The following CCSER1 variants were observed in gnomAD, a reference collection of about 807,000 sequenced individuals.
CCSER1 encodes serine-rich coiled-coil domain-containing protein 1.
A neutral mutation model predicts 82.0 loss-of-function variants in CCSER1; 41 were observed. The observed-to-expected ratio is 0.50, with a 90% CI of 0.39 to 0.65. The LOEUF (loss-of-function observed/expected upper bound fraction) is 0.65, where lower values mean the gene tolerates loss of function less well. Among genes scored for constraint, CCSER1 ranks in the 30% least tolerant of loss-of-function variants. The pLI, the probability that CCSER1 is intolerant of heterozygous loss-of-function variation, is 0.00. For missense variants in CCSER1, 1,119 were observed against 1,064.2 expected, an observed-to-expected ratio of 1.05 and a Z score of -0.72; for synonymous variants, 414 against 383.9, an observed-to-expected ratio of 1.08 and a Z score of -0.92.
At chr4:90,281,640 T>C (rs1728884188) in intron 1 of CCSER1, among the ~76,000 whole-genome samples, 1 of 152,050 alleles carries the variant, frequency 6.6e-6, no homozygotes, top group Non-Finnish European at 1.5e-5. Flanking sequence ...CCATATGTAG[T>C]AAAGTGATTC....
chr4:91,246,600 A>G (rs1342794649), intron 10 of CCSER1, among the ~76,000 whole-genome samples: 1 of 152,196 alleles, frequency 6.6e-6, no homozygotes, highest in East Asian at 1.9e-4. Flanking sequence ...TGTTTGTTGC[A>G]GCACTGTTTA....
intron 10 of CCSER1, among the ~76,000 whole-genome samples, chr4:91,383,214 C>T (rs2149341046): frequency 6.6e-6 from 1 of 152,140 alleles, no homozygotes. Flanking sequence ...CTGTATTGTG[C>T]ATTAAGTTCA....
intron 10 of CCSER1, among the ~76,000 whole-genome samples, chr4:91,259,071 TAAAG>T (rs1373837178): frequency 1.3e-5 from 2 of 151,684 alleles, no homozygotes; most frequent in Non-Finnish European, 1.5e-5. Flanking sequence ...TTTGGAAAAA[TAAAG>T]AAAAAACTTT....
intron 9 of CCSER1, among the ~76,000 whole-genome samples, chr4:91,043,473 A>T (rs374146707): frequency 6.6e-6 from 1 of 152,094 alleles, no homozygotes; most frequent in East Asian, 1.9e-4. Context: ...CAGTCCACAT[A>T]CAAATATATA....
chr4:91,165,871 A>T (rs1054643071), intron 10 of CCSER1, among the ~76,000 whole-genome samples: 1 of 152,298 alleles, frequency 6.6e-6, no homozygotes, highest in Middle Eastern at 3.4e-3. Flanking sequence ...GAAATCCCCC[A>T]ACCCATTGTG....
chr4:90,878,656 C>T (rs879883875), intron 8 of CCSER1, among the ~76,000 whole-genome samples: 1 of 152,118 alleles, frequency 6.6e-6, no homozygotes, highest in African/African-American at 2.4e-5. Context: ...AGCTCTGTGT[C>T]CCTGCACAAA....
intron 10 of CCSER1, among the ~76,000 whole-genome samples, chr4:91,594,448 C>CAT (rs999331894): frequency 2.0e-5 from 3 of 147,742 alleles, no homozygotes; most frequent in East Asian, 2.0e-4. Flanking sequence ...CACATATATA[C>CAT]ATATATATAC....
At chr4:90,203,428 T>G (rs1738145709) in intron 1 of CCSER1, among the ~76,000 whole-genome samples, 1 of 152,190 alleles carries the variant, frequency 6.6e-6, no homozygotes, top group Non-Finnish European at 1.5e-5. Context: ...TTCCCACTTA[T>G]GAGTGAGAAC....
At chr4:91,234,768 C>A (rs964766581) in intron 10 of CCSER1, among the ~76,000 whole-genome samples, 2 of 152,062 alleles carry the variant, frequency 1.3e-5, no homozygotes, top group Non-Finnish European at 2.9e-5. Flanking sequence ...AATAATTTCT[C>A]CCTGGGGTTC....
intron 10 of CCSER1, among the ~76,000 whole-genome samples, chr4:91,312,365 T>G (rs993611607): frequency 1.1e-4 from 17 of 151,782 alleles, no homozygotes; most frequent in African/African-American, 4.1e-4. Context: ...AGACATGTAT[T>G]AATTTTGCCT....
At chr4:91,357,980 A>C (rs886825600) in intron 10 of CCSER1, among the ~76,000 whole-genome samples, 14 of 147,266 alleles carry the variant, frequency 9.5e-5, no homozygotes, top group Middle Eastern at 7.1e-3. Context: ...AGAAGTTACC[A>C]TAATACATGT....
intron 10 of CCSER1, among the ~76,000 whole-genome samples, chr4:91,204,543 A>C (rs1244587225): frequency 6.6e-6 from 1 of 151,790 alleles, no homozygotes; most frequent in African/African-American, 2.4e-5. Context: ...TCAAACATCT[A>C]CTCTGGCTAA....
chr4:91,317,810 A>G (rs1203733803), intron 10 of CCSER1, among the ~76,000 whole-genome samples: 1 of 151,948 alleles, frequency 6.6e-6, no homozygotes, highest in African/African-American at 2.4e-5. Flanking sequence ...AAGATTGAGA[A>G]GGTTTCAGTC....
chr4:90,819,081 G>A (rs1759403529), intron 8 of CCSER1, among the ~76,000 whole-genome samples: 1 of 152,128 alleles, frequency 6.6e-6, no homozygotes, highest in Admixed American at 6.6e-5. Flanking sequence ...ATTGTGGTGA[G>A]GGCTGTCTTC....
At chr4:91,181,929 T>A (rs1734069371) in intron 10 of CCSER1, among the ~76,000 whole-genome samples, 1 of 152,228 alleles carries the variant, frequency 6.6e-6, no homozygotes, top group Non-Finnish European at 1.5e-5. Context: ...TTGATCAATA[T>A]GCCCGATAAG....
At chr4:90,443,006 G>T (rs185961420) in intron 4 of CCSER1, among the ~76,000 whole-genome samples, 2 of 152,210 alleles carry the variant, frequency 1.3e-5, no homozygotes, top group Non-Finnish European at 1.5e-5. Context: ...AATGCTGATA[G>T]TTCCAACCCT....
At chr4:91,545,128 A>G (rs55912637) in intron 10 of CCSER1, among the ~76,000 whole-genome samples, 8,118 of 152,140 alleles carry the variant, frequency 0.053, 233 homozygotes, top group Middle Eastern at 0.075. Flanking sequence ...CCTCCGAGCC[A>G]TGTGTGGGAT....
intron 10 of CCSER1, among the ~76,000 whole-genome samples, chr4:91,162,243 G>C (rs926635955): frequency 1.3e-5 from 2 of 152,094 alleles, no homozygotes; most frequent in Non-Finnish European, 2.9e-5. Context: ...TTATTGATTT[G>C]CATATGTTGA....
At chr4:90,148,839 C>T (rs761518624) in intron 1 of CCSER1, among the ~76,000 whole-genome samples, 1 of 152,132 alleles carries the variant, frequency 6.6e-6, no homozygotes, top group Non-Finnish European at 1.5e-5. Context: ...GTAACTCAAG[C>T]ATACCTATAC....
Sources: gnomAD v4.1 joint callset for allele counts (sites outside exome capture counted in the v4.1 genomes callset) on GRCh38, gnomAD v4.1.1 for gene constraint, MANE v1.5 for transcripts, NCBI Gene and HGNC (gene_info 2026-07-23, HGNC 2026-07-21) for gene names.